Variants in ATP9B observed in about 807,000 individuals in gnomAD.
ATP9B encodes ATPase phospholipid transporting 9B.
ATP9B carries 110 observed loss-of-function variants against 146.1 expected under a neutral mutation model. The ratio of observed to expected loss-of-function variants is 0.75; its 90% CI spans 0.65 to 0.88. The LOEUF (loss-of-function observed/expected upper bound fraction) is 0.88. Among genes scored for constraint, ATP9B ranks in the 40% least tolerant of loss-of-function variants. The pLI is 0.00. For missense variants in ATP9B, 1,499 were observed against 1,496.4 expected, an observed-to-expected ratio of 1.00 and a Z score of -0.03; for synonymous variants, 604 against 569.7, an observed-to-expected ratio of 1.06 and a Z score of -0.86.
At chr18:79,074,394 G>A (rs592984) in intron 1 of ATP9B, among the ~76,000 whole-genome samples, 9,250 of 152,284 alleles carry the variant, frequency 0.061, 363 homozygotes, top group Non-Finnish European at 0.092. Context: ...GGTTCCTGTG[G>A]CAGAATCCCT....
At chr18:79,168,207 TAGA>T (rs1393160335) in intron 7 of ATP9B, among the ~76,000 whole-genome samples, 1 of 151,910 alleles carries the variant, frequency 6.6e-6, no homozygotes, top group African/African-American at 2.4e-5. Flanking sequence ...CCAAGAAAAA[TAGA>T]AGGAGACTTG....
intron 7 of ATP9B, among the ~76,000 whole-genome samples, chr18:79,157,893 CTCTT>C (rs1205607124): frequency 6.6e-6 from 1 of 152,128 alleles, no homozygotes. Context: ...GAACTCTTCT[CTCTT>C]TTTTTCTTGG....
chr18:79,373,887 C>T lies in ATP9B; in HGVS notation c.3071-11C>T. 1 of 1,612,454 alleles carries T rather than the reference C, an allele frequency of 6.2e-7. No individual in the cohort carries two copies. Among genetic ancestry groups the T allele is most frequent in the Non-Finnish European group, 8.5e-7 (1 of 1,179,988 alleles). The stretch of plus-strand genomic sequence containing the variant: ...CTCGTGTGCATGGAAAAAGCTCCTG[C>T]TGTTTTTCAGGCGGCATCCTCATGT... On this transcript the variant is annotated splice_polypyrimidine_tract_variant and intron_variant, in intron 27 of 29. Transcript: ENST00000426216.
chr18:79,223,422 A>G (rs1384931235), intron 11 of ATP9B, among the ~76,000 whole-genome samples: 1 of 152,190 alleles, frequency 6.6e-6, no homozygotes, highest in East Asian at 1.9e-4. Flanking sequence ...AATACCGTAG[A>G]GTTTAAATAC....
intron 12 of ATP9B, among the ~76,000 whole-genome samples, chr18:79,259,577 A>T (rs193236960): frequency 2.0e-5 from 3 of 152,306 alleles, no homozygotes; most frequent in African/African-American, 7.2e-5. Context: ...TGGCTTAGGG[A>T]CAGGGTTTCC....
intron 14 of ATP9B, among the ~76,000 whole-genome samples, chr18:79,304,964 G>T (rs1380502031): frequency 6.6e-6 from 1 of 152,176 alleles, no homozygotes; most frequent in Admixed American, 6.5e-5. Context: ...GTTCAAAATT[G>T]TACATAGCTC....
At chr18:79,345,701 A>G in intron 22 of ATP9B, 74 bp from the exon 23 acceptor site, 2 of 1,605,174 alleles carry the variant, frequency 1.2e-6, no homozygotes, top group South Asian at 2.2e-5. Flanking sequence ...TTTCTGAAAT[A>G]GCTTCTGATG....
In ATP9B at chr18:79,177,077, T is replaced by C. The variant is rs4239341; in HGVS notation, c.873+170T>C. Among the ~76,000 whole-genome samples the C allele has an allele frequency of 6.2e-3, 944 of 152,374 alleles. 12 individuals are homozygous for C. The highest frequency in any genetic ancestry group is 0.022 in the African/African-American group (906 of 41,590). On this transcript the variant is annotated intron_variant, in intron 8 of 29. Transcript: ENST00000426216. Reference sequence around the variant, plus strand: ...AAGAATTGTGCCAAAATAATTTCTGTGATGTCTTAGCACATAATCAGTTTT... The same window carrying C: ...AAGAATTGTGCCAAAATAATTTCTGCGATGTCTTAGCACATAATCAGTTTT...
At chr18:79,276,849 A>G (rs1454422366) in intron 12 of ATP9B, among the ~76,000 whole-genome samples, 1 of 152,254 alleles carries the variant, frequency 6.6e-6, no homozygotes, top group Non-Finnish European at 1.5e-5. Context: ...AAATACGTGT[A>G]TATGGAACCA....
intron 13 of ATP9B, among the ~76,000 whole-genome samples, chr18:79,291,115 G>A (rs1289244840): frequency 4.0e-5 from 6 of 151,766 alleles, no homozygotes; most frequent in Admixed American, 3.9e-4. Context: ...TTTCCTCTTT[G>A]CCTGCTTTGT....
At chr18:79,276,400 A>C (rs943911227) in intron 12 of ATP9B, among the ~76,000 whole-genome samples, 2 of 152,284 alleles carry the variant, frequency 1.3e-5, no homozygotes, top group African/African-American at 4.8e-5. Context: ...TAAAAAGTCC[A>C]GGGCATAGTT....
intron 8 of ATP9B, among the ~76,000 whole-genome samples, chr18:79,191,646 A>G (rs947964140): frequency 6.6e-6 from 1 of 152,294 alleles, no homozygotes; most frequent in South Asian, 2.1e-4. Flanking sequence ...TGGAATTTCC[A>G]TGTGCTTCTC....
chr18:79,100,358 A>G (rs1381847098), intron 2 of ATP9B, among the ~76,000 whole-genome samples: 2 of 152,090 alleles, frequency 1.3e-5, no homozygotes, highest in Non-Finnish European at 2.9e-5. Flanking sequence ...AGACTTCATG[A>G]GTTTCTAAAC....
chr18:79,343,778 T>C (rs2096871256), intron 20 of ATP9B: 1 of 200,330 alleles, frequency 5.0e-6, no homozygotes, highest in Admixed American at 5.6e-5. Flanking sequence ...TCCGTAACGC[T>C]GCGAGTCAGT....
intron 26 of ATP9B, among the ~76,000 whole-genome samples, chr18:79,371,128 C>CT (rs2097066898): frequency 6.6e-6 from 1 of 152,148 alleles, no homozygotes. Flanking sequence ...AATCCCAGCA[C>CT]TTTGGGAGGC....
chr18:79,253,713 G>A lies in ATP9B; in HGVS notation c.1268+172G>A, dbSNP rs114333679. On this transcript the variant is annotated intron_variant, in intron 12 of 29. Coordinates refer to ENST00000426216, the MANE Select transcript of ATP9B (RefSeq NM_198531.5). ...CTGTGGAAATGTTGTTGGGGGAGAC[G>A]TCATCAGTGCCGGTAGAATGATCTA... The A allele has an allele frequency of 2.4e-3, 1,531 of 639,616 alleles. 9 individuals are homozygous for A. In the African/African-American group the frequency reaches 0.025, roughly 11 times the overall value. 39.6% of individuals were successfully genotyped at this position (639,616 alleles called of 1,614,324 possible).
intron 4 of ATP9B, among the ~76,000 whole-genome samples, chr18:79,125,652 T>TATTAGTGGTA (rs978983240): frequency 5.9e-5 from 9 of 152,324 alleles, no homozygotes; most frequent in South Asian, 2.1e-4. Flanking sequence ...ATTAGCTTCA[T>TATTAGTGGTA]ATTAGTGGTA....
chr18:79,255,288 A>G (rs547369292), intron 12 of ATP9B: 1 of 152,284 alleles, frequency 6.6e-6, no homozygotes, highest in South Asian at 2.1e-4. Context: ...TGCCTTTTTT[A>G]TCTGACTGTC....
intron 15 of ATP9B, among the ~76,000 whole-genome samples, chr18:79,325,295 G>A (rs1041566001): frequency 6.6e-6 from 1 of 152,064 alleles, no homozygotes; most frequent in Non-Finnish European, 1.5e-5. Flanking sequence ...TGCCTTTTCT[G>A]TAGAAGTGCA....
Sources: gnomAD v4.1 joint callset for allele counts (sites outside exome capture counted in the v4.1 genomes callset) on GRCh38, gnomAD v4.1.1 for gene constraint, MANE v1.5 for transcripts, NCBI Gene and HGNC (gene_info 2026-07-23, HGNC 2026-07-21) for gene names.